FAM81A: variants seen among roughly 807,000 people sequenced by gnomAD.
FAM81A encodes the protein protein FAM81A.
Under a neutral mutation model 46.7 loss-of-function variants are expected in FAM81A, and 19 were observed. The ratio of observed to expected loss-of-function variants is 0.41; its 90% CI spans 0.28 to 0.60. The LOEUF (loss-of-function observed/expected upper bound fraction) is 0.60. Ranked by LOEUF, FAM81A falls within the 20% of genes least tolerant of loss-of-function variation. The pLI is 0.34. For synonymous variants in FAM81A, 183 were observed against 152.9 expected (o/e 1.20, Z -1.45); for missense variants, 377 against 453.5 (o/e 0.83, Z 1.53).
intron 2 of FAM81A, among the ~76,000 whole-genome samples, chr15:59,418,168 C>G (rs1171518081): frequency 6.6e-6 from 1 of 152,122 alleles, no homozygotes; most frequent in Non-Finnish European, 1.5e-5. Context: ...TTCTTCTCTT[C>G]TAGAGCACAA....
chr15:59,439,468 AC>A (rs2081274071), intron 1 of FAM81A, among the ~76,000 whole-genome samples: 1 of 152,118 alleles, frequency 6.6e-6, no homozygotes, highest in African/African-American at 2.4e-5. Context: ...ACTAAAAAGG[AC>A]ACTTAGGCCC....
chr15:59,445,497 A>C (rs1312943283), intron 1 of FAM81A: 1 of 152,134 alleles, frequency 6.6e-6, no homozygotes, highest in South Asian at 2.1e-4. Flanking sequence ...CTGCTCCTAA[A>C]ATAGTTATAA....
intron 3 of FAM81A, among the ~76,000 whole-genome samples, 171 bp from the exon 4 acceptor site, chr15:59,492,100 C>A (rs1422302385): frequency 2.6e-5 from 4 of 152,224 alleles, no homozygotes; most frequent in African/African-American, 9.6e-5. Flanking sequence ...AGGTCTCTCT[C>A]TGTCTAGGCC....
chr15:59,426,005 G>T (rs1236629377), intron 2 of FAM81A, among the ~76,000 whole-genome samples: 1 of 152,070 alleles, frequency 6.6e-6, no homozygotes, highest in Non-Finnish European at 1.5e-5. Flanking sequence ...AAATATATTT[G>T]GAACAATTTG....
chr15:59,518,541 G>T, intron 8 of FAM81A, among the ~76,000 whole-genome samples: 1 of 151,958 alleles, frequency 6.6e-6, no homozygotes, highest in East Asian at 1.9e-4. Flanking sequence ...GCCCAGACTG[G>T]TCTGGAACTC....
chr15:59,446,010 A>G (rs148011103), intron 1 of FAM81A, among the ~76,000 whole-genome samples: 5 of 152,310 alleles, frequency 3.3e-5, no homozygotes, highest in Non-Finnish European at 5.9e-5. Flanking sequence ...TTCAGTCAGC[A>G]ATCGATATGT....
intron 2 of FAM81A, among the ~76,000 whole-genome samples, chr15:59,429,834 C>A (rs57823676): frequency 0.2 from 29,948 of 151,838 alleles, 3,174 homozygotes; most frequent in Middle Eastern, 0.26. Context: ...AAATTTAAGC[C>A]CTAATTTCTG....
At chr15:59,486,890 G>A (rs2081923168) in intron 3 of FAM81A, among the ~76,000 whole-genome samples, 1 of 152,042 alleles carries the variant, frequency 6.6e-6, no homozygotes, top group Admixed American at 6.6e-5. Context: ...GCTAAAAGGA[G>A]TTCTTCAACA....
intron 2 of FAM81A, among the ~76,000 whole-genome samples, chr15:59,422,223 C>T (rs116955404): frequency 0.03 from 4,529 of 151,914 alleles, 185 homozygotes; most frequent in East Asian, 0.2. Context: ...CCTGTCTCTA[C>T]ACAAAATAAA....
chr15:59,497,662 G>T (rs969003154), intron 4 of FAM81A, among the ~76,000 whole-genome samples: 1 of 151,934 alleles, frequency 6.6e-6, no homozygotes, highest in African/African-American at 2.4e-5. Context: ...TTGAGGCCAG[G>T]AGTTTGAGGC....
chr15:59,460,513 C>T lies in FAM81A; in HGVS notation c.294+307C>T. On this transcript the variant is annotated intron_variant, in intron 3 of 8. Coordinates refer to ENST00000288228, the MANE Select transcript of FAM81A (RefSeq NM_152450.3). The surrounding 1 kb of genome is among the most constrained non-coding windows in gnomAD (Gnocchi z 4.4). Reference sequence around the variant, plus strand: ...GAGAGAAGAACTAGTCGAATAGTTTCACTCTATAATCTTTCATATCTTTGA... The same window carrying T: ...GAGAGAAGAACTAGTCGAATAGTTTTACTCTATAATCTTTCATATCTTTGA... 1 of 435,436 alleles carries T rather than the reference C, an allele frequency of 2.3e-6. No homozygotes were observed. Among genetic ancestry groups the T allele is most frequent in the South Asian group, 2.1e-5 (1 of 47,966 alleles). 27.0% of individuals were successfully genotyped at this position (435,436 alleles called of 1,614,324 possible).
chr15:59,423,789 G>A (rs905291593), intron 2 of FAM81A, among the ~76,000 whole-genome samples: 3 of 152,048 alleles, frequency 2.0e-5, no homozygotes, highest in Admixed American at 6.6e-5. Context: ...AATTACTCAC[G>A]GGTCAGGATT....
At chr15:59,452,545 G>A (rs2081431457) in intron 1 of FAM81A, among the ~76,000 whole-genome samples, 1 of 152,188 alleles carries the variant, frequency 6.6e-6, no homozygotes, top group Non-Finnish European at 1.5e-5. Flanking sequence ...TAATCTGGAG[G>A]CTGAGGCAGG....
At chr15:59,403,953 G>A (rs560038198) in intron 2 of FAM81A, among the ~76,000 whole-genome samples, 3 of 149,070 alleles carry the variant, frequency 2.0e-5, no homozygotes, top group South Asian at 2.1e-4. Context: ...GAGTGATCTC[G>A]GCTCACTGCA....
chr15:59,441,030 A>G (rs940573307), intron 1 of FAM81A, among the ~76,000 whole-genome samples: 20 of 152,134 alleles, frequency 1.3e-4, no homozygotes, highest in African/African-American at 3.9e-4. Flanking sequence ...AAGGCCCCCA[A>G]GCATCTTTCT....
intron 3 of FAM81A, among the ~76,000 whole-genome samples, chr15:59,486,106 G>A (rs1403159814): frequency 6.6e-6 from 1 of 152,146 alleles, no homozygotes; most frequent in Non-Finnish European, 1.5e-5. Context: ...TTGAACCCAG[G>A]AGGCAGAGGT....
intron 1 of FAM81A, among the ~76,000 whole-genome samples, chr15:59,455,644 T>C (rs1435778419): frequency 1.3e-5 from 2 of 152,210 alleles, no homozygotes; most frequent in Non-Finnish European, 2.9e-5. Flanking sequence ...TTCTGAATAA[T>C]GTGTCTTGTG....
chr15:59,429,714 T>G (rs537016273), intron 2 of FAM81A, among the ~76,000 whole-genome samples: 2 of 152,362 alleles, frequency 1.3e-5, no homozygotes, highest in East Asian at 3.9e-4. Context: ...TTTTGACTTT[T>G]AAGTACTGTA....
At chr15:59,406,770 T>A (rs1245571393) in intron 2 of FAM81A, among the ~76,000 whole-genome samples, 1 of 152,196 alleles carries the variant, frequency 6.6e-6, no homozygotes, top group African/African-American at 2.4e-5. Context: ...AAGCTGCATT[T>A]GTTTTGTGAA....
Sources: gnomAD v4.1 joint callset for allele counts (sites outside exome capture counted in the v4.1 genomes callset) on GRCh38, gnomAD v4.1.1 for gene constraint, Gnocchi (gnomAD v3.1) non-coding constraint, MANE v1.5 for transcripts, NCBI Gene and HGNC (gene_info 2026-07-23, HGNC 2026-07-21) for gene names.